RAD51B: variants seen among roughly 807,000 people sequenced by gnomAD.
The protein encoded by RAD51B is RAD51 paralog B.
Under a neutral mutation model 42.2 loss-of-function variants are expected in RAD51B, and 38 were observed. The ratio of observed to expected loss-of-function variants is 0.90; its 90% CI spans 0.70 to 1.18. The LOEUF is 1.18. RAD51B is among the 50% of genes most tolerant of loss of function. The probability of loss-of-function intolerance (pLI) is 0.00; values close to 1 mark genes in which losing one functional copy is unlikely to be tolerated. For synonymous variants in RAD51B, 154 were observed against 145.2 expected (o/e 1.06, Z -0.43); for missense variants, 373 against 400.7 (o/e 0.93, Z 0.59).
At chr14:68,072,063 T>TATATATA (rs1566622781) in intron 7 of RAD51B, among the ~76,000 whole-genome samples, 1 of 90,688 alleles carries the variant, frequency 1.1e-5, no homozygotes, top group Non-Finnish European at 2.0e-5. Context: ...TTATATATAT[T>TATATATA]TATATAAATA....
intron 7 of RAD51B, among the ~76,000 whole-genome samples, chr14:68,009,413 A>T (rs1315860644): frequency 2.6e-5 from 4 of 151,900 alleles, no homozygotes; most frequent in Admixed American, 1.3e-4. Flanking sequence ...ATCATTCATC[A>T]CTTTCTATTT....
chr14:67,983,715 G>A (rs1395398422), intron 7 of RAD51B, among the ~76,000 whole-genome samples: 1 of 152,014 alleles, frequency 6.6e-6, no homozygotes, highest in Non-Finnish European at 1.5e-5. Context: ...TTTATTTGTA[G>A]CAACAAGCAC....
chr14:67,956,546 A>G (rs1471870121), intron 7 of RAD51B, among the ~76,000 whole-genome samples: 10 of 152,234 alleles, frequency 6.6e-5, no homozygotes, highest in Admixed American at 5.9e-4. Context: ...TATCTATAAG[A>G]TGATGATGAG....
Position 68,218,076 on chromosome 14 carries a change from A to G in RAD51B, c.757-73808A>G, listed in dbSNP as rs151187350. Among the ~76,000 whole-genome samples, 19 of 152,356 alleles carry G rather than the reference A, an allele frequency of 1.2e-4. No individual in the cohort carries two copies. The East Asian group carries it at 3.7e-3, about 29-fold the overall frequency. On this transcript the variant is annotated intron_variant, in intron 7 of 10. Coordinates refer to ENST00000471583, the MANE Select transcript of RAD51B (RefSeq NM_133510.4). ...TCACACTATTTACAAGACATGTCAT[A>G]CAACACTGAAAACAAGAAATTAGAG...
At chr14:68,267,806 A>G (rs368349455) in intron 7 of RAD51B, among the ~76,000 whole-genome samples, 3 of 152,366 alleles carry the variant, frequency 2.0e-5, no homozygotes, top group South Asian at 4.1e-4. Flanking sequence ...TCATATAAAA[A>G]TGTTAGTGGC....
intron 7 of RAD51B, among the ~76,000 whole-genome samples, chr14:67,967,153 G>A (rs2074796415): frequency 6.6e-6 from 1 of 152,152 alleles, no homozygotes. Flanking sequence ...CAGATCTTGT[G>A]AGACTTATTC....
At chr14:67,954,844 G>A (rs1384588614) in intron 7 of RAD51B, among the ~76,000 whole-genome samples, 1 of 152,126 alleles carries the variant, frequency 6.6e-6, no homozygotes, top group African/African-American at 2.4e-5. Context: ...CTGGGGAGTA[G>A]GGGGTTAACT....
At chr14:68,547,645 T>G (rs1284469901) in intron 10 of RAD51B, among the ~76,000 whole-genome samples, 1 of 152,176 alleles carries the variant, frequency 6.6e-6, no homozygotes, top group Non-Finnish European at 1.5e-5. Flanking sequence ...CTCTCTCTGT[T>G]GTCTGTAGCT....
chr14:68,431,630 A>T (rs2085009975), intron 9 of RAD51B, among the ~76,000 whole-genome samples: 1 of 151,340 alleles, frequency 6.6e-6, no homozygotes, highest in Non-Finnish European at 1.5e-5. Flanking sequence ...CATCTATTTG[A>T]TTCTTCTCTC....
intron 7 of RAD51B, among the ~76,000 whole-genome samples, chr14:68,219,213 A>T (rs1043779697): frequency 6.6e-6 from 1 of 152,236 alleles, no homozygotes; most frequent in Non-Finnish European, 1.5e-5. Context: ...AGGATGCACT[A>T]TGAAGGAAAC....
chr14:68,003,723 A>G (rs932508376), intron 7 of RAD51B, among the ~76,000 whole-genome samples: 23 of 152,210 alleles, frequency 1.5e-4, no homozygotes, highest in Non-Finnish European at 2.6e-4. Flanking sequence ...GAGTTTAAAC[A>G]TGAAAGGATG....
intron 7 of RAD51B, among the ~76,000 whole-genome samples, chr14:68,070,258 G>A (rs936880395): frequency 6.6e-6 from 1 of 151,904 alleles, no homozygotes; most frequent in Non-Finnish European, 1.5e-5. Flanking sequence ...ACAGTTTCTT[G>A]CCATTCAGAA....
At chr14:68,537,587 T>G (rs112714905) in intron 10 of RAD51B, among the ~76,000 whole-genome samples, 1 of 152,086 alleles carries the variant, frequency 6.6e-6, no homozygotes, top group Non-Finnish European at 1.5e-5. Flanking sequence ...TTAAGATCAG[T>G]GTGATAGGAG....
chr14:68,311,395 G>A (rs912925646), intron 8 of RAD51B, among the ~76,000 whole-genome samples: 3 of 152,208 alleles, frequency 2.0e-5, no homozygotes, highest in African/African-American at 7.2e-5. Context: ...AGTGACCTAG[G>A]ACATCCTGAA....
At chr14:68,678,565 G>T (rs1332634124) in intron 11 of RAD51B, among the ~76,000 whole-genome samples, 2 of 152,148 alleles carry the variant, frequency 1.3e-5, no homozygotes, top group Admixed American at 6.5e-5. Context: ...TCCAGAAGGA[G>T]GAGTGAGGGC....
At chr14:67,957,166 A>G (rs1253406608) in intron 7 of RAD51B, among the ~76,000 whole-genome samples, 2 of 152,230 alleles carry the variant, frequency 1.3e-5, no homozygotes, top group Non-Finnish European at 2.9e-5. Context: ...ACACAAGGAA[A>G]AGTACAGAAG....
At chr14:68,357,045 A>C (rs2082924202) in intron 8 of RAD51B, among the ~76,000 whole-genome samples, 1 of 152,158 alleles carries the variant, frequency 6.6e-6, no homozygotes, top group East Asian at 1.9e-4. Context: ...CTCTTATGAA[A>C]GATTGCTCTG....
chr14:68,450,046 A>G (rs1422971809), intron 9 of RAD51B, among the ~76,000 whole-genome samples: 1 of 152,130 alleles, frequency 6.6e-6, no homozygotes, highest in Non-Finnish European at 1.5e-5. Context: ...CCCTAGGGGA[A>G]CAAAGGAGAG....
chr14:68,105,045 A>G (rs144683616), intron 7 of RAD51B, among the ~76,000 whole-genome samples: 45 of 152,178 alleles, frequency 3.0e-4, no homozygotes, highest in Middle Eastern at 3.4e-3. Flanking sequence ...TCCCACCCCA[A>G]TGGAGATTGA....
Sources: gnomAD v4.1 joint callset for allele counts (sites outside exome capture counted in the v4.1 genomes callset) on GRCh38, gnomAD v4.1.1 for gene constraint, MANE v1.5 for transcripts, NCBI Gene and HGNC (gene_info 2026-07-23, HGNC 2026-07-21) for gene names.